Variants in TYW3 observed in about 807,000 individuals in gnomAD.
TYW3 encodes the protein tRNA wybutosine-synthesizing protein 3 homolog.
TYW3 carries 26 observed loss-of-function variants against 23.1 expected under a neutral mutation model. The ratio of observed to expected loss-of-function variants is 1.13; its 90% CI spans 0.83 to 1.56. The LOEUF is 1.56. Ranked by LOEUF, TYW3 falls within the 40% of genes most tolerant of loss-of-function variation. TYW3 has a pLI of 0.00. For missense variants in TYW3, 316 were observed against 311.9 expected (o/e 1.01, Z -0.10); for synonymous variants, 102 against 105.7 (o/e 0.97, Z 0.21).
In TYW3 at chr1:74,764,179, G is replaced by C. The variant is rs1230092212; in HGVS notation, c.*66G>C. ...GGTTTTATAAAGCTGCTCTTCATAA[G>C]AGTATTTTAGTTTGTTGAGTGTATC... On this transcript the variant is annotated 3_prime_UTR_variant, in exon 6 of 6. Coordinates refer to ENST00000370867, the MANE Select transcript of TYW3 (RefSeq NM_138467.3). 1 of 1,414,146 alleles carries C rather than the reference G, an allele frequency of 7.1e-7. No individual in the cohort carries two copies. Among genetic ancestry groups the C allele is most frequent in the South Asian group, 1.3e-5 (1 of 77,376 alleles). 87.6% of individuals were successfully genotyped at this position (1,414,146 alleles called of 1,614,324 possible). A position where few individuals can be genotyped will look rare whatever the true frequency, so the allele number is the denominator to read the frequency against.
Position 74,736,521 on chromosome 1 carries a change from TTATG to T in TYW3, c.175-19_175-16del, listed in dbSNP as rs1648158481. On this transcript the variant is annotated splice_polypyrimidine_tract_variant and intron_variant, in intron 1 of 5. Coordinates refer to ENST00000370867, the MANE Select transcript of TYW3 (RefSeq NM_138467.3). ...TGTAAAATATTATATGAAACTTAAA[TTATG>T]TTATTTTTTATTTTAGGGTATAAAT... 5 of 1,548,864 alleles carry T rather than the reference TTATG, an allele frequency of 3.2e-6. No homozygotes were observed. The highest frequency in any genetic ancestry group is 4.4e-6 in the Non-Finnish European group (5 of 1,142,056).
chr1:74,763,953 A>C lies in TYW3; in HGVS notation c.620A>C (p.Lys207Thr). The change falls in exon 6 of 6, where the codon AAG (lysine) becomes ACG (threonine). Residue 207 changes from lysine to threonine, a missense_variant. Transcript: ENST00000370867. ...GAAACGATGACTAACTTACATCCCA[A>C]GATCAAAGAGAAAAATAACTCATCA... ...ERETMTNLHP[K>T]IKEKNNSSYI... The C allele has an allele frequency of 6.2e-7, 1 of 1,609,432 alleles. No homozygotes were observed. Among genetic ancestry groups the C allele is most frequent in the South Asian group, 1.1e-5 (1 of 89,480 alleles).
At chr1:74,733,826 C>G (rs1221402182) in intron 1 of TYW3, among the ~76,000 whole-genome samples, 1 of 152,214 alleles carries the variant, frequency 6.6e-6, no homozygotes, top group Admixed American at 6.5e-5. Context: ...ATCCGCTCAT[C>G]AACAGCTCTG....
chr1:74,736,755 C>A, intron 2 of TYW3, 133 bp downstream of exon 2: 1 of 667,598 alleles, frequency 1.5e-6, no homozygotes, highest in Non-Finnish European at 2.4e-6. Flanking sequence ...ACCTAGAGAG[C>A]TTTCATTACA....
rs1649315020 is a variant in TYW3, at chr1:74,766,580, A to G, written c.*2467A>G. The G allele has an allele frequency of 6.6e-6, 1 of 152,206 alleles. No homozygotes were observed. Among genetic ancestry groups the G allele is most frequent in the African/African-American group, 2.4e-5 (1 of 41,472 alleles). The allele number at this position is 152,206 out of a possible 1,614,324, so 9.4% of individuals were successfully genotyped here. On this transcript the variant is annotated 3_prime_UTR_variant, in exon 6 of 6. Transcript: ENST00000370867. The stretch of plus-strand genomic sequence containing the variant: ...GTACAATAAGCTAAGCATTATTACC[A>G]AAGAGTCAAAAAGTTTTAAGAAATT...
intron 5 of TYW3, among the ~76,000 whole-genome samples, chr1:74,756,881 C>T (rs1648972512): frequency 6.6e-6 from 1 of 152,214 alleles, no homozygotes; most frequent in African/African-American, 2.4e-5. Context: ...TGTGTGCAGC[C>T]TAGGAACTTG....
chr1:74,762,046 A>T (rs1649150328), intron 5 of TYW3, among the ~76,000 whole-genome samples: 1 of 152,076 alleles, frequency 6.6e-6, no homozygotes, highest in African/African-American at 2.4e-5. Flanking sequence ...TTTTAAATTT[A>T]ACTCTGTGTC....
At chr1:74,739,059 GT>G (rs1557742294) in intron 3 of TYW3, among the ~76,000 whole-genome samples, 1 of 151,948 alleles carries the variant, frequency 6.6e-6, no homozygotes, top group African/African-American at 2.4e-5. Context: ...TCTATAGTTT[GT>G]TTTTGTTTGC....
chr1:74,750,686 T>A (rs1648751005), intron 4 of TYW3, among the ~76,000 whole-genome samples: 1 of 152,202 alleles, frequency 6.6e-6, no homozygotes, highest in South Asian at 2.1e-4. Context: ...ATGCTCCAGC[T>A]ATATAGAACT....
At chr1:74,763,297 G>A (rs1649189236) in intron 5 of TYW3, among the ~76,000 whole-genome samples, 1 of 151,958 alleles carries the variant, frequency 6.6e-6, no homozygotes, top group Admixed American at 6.6e-5. Flanking sequence ...TTTCAAAAAT[G>A]CTTACCACAT....
intron 5 of TYW3, among the ~76,000 whole-genome samples, chr1:74,752,950 G>T (rs1260282627): frequency 1.3e-5 from 2 of 152,072 alleles, no homozygotes; most frequent in Admixed American, 6.5e-5. Flanking sequence ...TAAATAGGAA[G>T]GTATGGCTTT....
At position 74,736,617 on chromosome 1, in the gene TYW3, G is replaced by C; in HGVS notation, c.250G>C (p.Asp84His). 1 of 1,590,644 alleles carries C rather than the reference G, an allele frequency of 6.3e-7. No homozygotes were observed. Among genetic ancestry groups the C allele is most frequent in the Non-Finnish European group, 8.6e-7 (1 of 1,169,178 alleles). ...LVTHKLCVKD[D>H]VIVALKKANG... is the part of the protein sequence containing the mutation. Reference sequence around the variant, plus strand: ...TACACACAAACTTTGTGTAAAAGATGATGTGGTAAGTTTTAAAAAATAAAT... The same window carrying C: ...TACACACAAACTTTGTGTAAAAGATCATGTGGTAAGTTTTAAAAAATAAAT... Residue 84 changes from aspartate (D) to histidine (H), a missense_variant, in exon 2 of 6, where the codon GAT becomes CAT. Physicochemically the swap from Asp to His is moderately conservative, Grantham distance 81. Coordinates refer to ENST00000370867, the MANE Select transcript of TYW3 (RefSeq NM_138467.3).
At chr1:74,752,221 G>A in intron 4 of TYW3, 71 bp from the exon 5 acceptor site, 2 of 1,480,756 alleles carry the variant, frequency 1.4e-6, no homozygotes, top group African/African-American at 2.8e-5. Flanking sequence ...GCCCTGACGG[G>A]ACTTTTCTTG....
At chr1:74,738,500 A>C (rs1288996974) in intron 2 of TYW3, among the ~76,000 whole-genome samples, 190 bp from the exon 3 acceptor site, 1 of 152,254 alleles carries the variant, frequency 6.6e-6, no homozygotes, top group Non-Finnish European at 1.5e-5. Context: ...AGAACTAGAA[A>C]TTTTAAGAAA....
intron 5 of TYW3, among the ~76,000 whole-genome samples, chr1:74,762,770 T>C (rs1649173492): frequency 6.6e-6 from 1 of 152,108 alleles, no homozygotes. Context: ...ACATCACCTT[T>C]CCTAAAAGAA....
chr1:74,756,425 G>C (rs1018951081), intron 5 of TYW3, among the ~76,000 whole-genome samples: 2 of 152,200 alleles, frequency 1.3e-5, no homozygotes, highest in Non-Finnish European at 1.5e-5. Flanking sequence ...TGAGGAACTT[G>C]TTGGGAACTG....
intron 5 of TYW3, among the ~76,000 whole-genome samples, chr1:74,756,065 C>T (rs1648944504): frequency 6.6e-6 from 1 of 152,324 alleles, no homozygotes; most frequent in Non-Finnish European, 1.5e-5. Flanking sequence ...TTTCACCTTC[C>T]ACCATGATTG....
Position 74,764,288 on chromosome 1 carries a change from C to T in TYW3, c.*175C>T. The stretch of plus-strand genomic sequence containing the variant: ...AGAGGATGTGCAGTTGTCATCTAAG[C>T]TCTCAGCAGTACCCGGCTTATCCTA... On this transcript the variant is annotated 3_prime_UTR_variant, in exon 6 of 6. Transcript: ENST00000370867. 1.8e-6 allele frequency: 1 copy of T among 557,644 alleles called. No individual in the cohort carries two copies. Among genetic ancestry groups the T allele is most frequent in the Non-Finnish European group, 3.1e-6 (1 of 322,576 alleles). 34.5% of individuals were successfully genotyped at this position (557,644 alleles called of 1,614,324 possible). A position where few individuals can be genotyped will look rare whatever the true frequency, so the allele number is the denominator to read the frequency against.
chr1:74,739,128 A>G (rs1358105418), intron 3 of TYW3, among the ~76,000 whole-genome samples: 2 of 152,158 alleles, frequency 1.3e-5, no homozygotes, highest in South Asian at 4.1e-4. Flanking sequence ...TTTAAAGAAT[A>G]TTTCATTTTT....
Sources: allele counts gnomAD v4.1 joint callset (sites outside exome capture counted in the v4.1 genomes callset), GRCh38; gene constraint gnomAD v4.1.1; transcripts MANE v1.5; gene names NCBI Gene and HGNC (gene_info 2026-07-23, HGNC 2026-07-21).